The following TLL2 variants were observed in gnomAD, a reference collection of about 807,000 sequenced individuals.
TLL2 encodes the protein tolloid-like protein 2.
TLL2 carries 106 observed loss-of-function variants against 123.0 expected under a neutral mutation model. The ratio of observed to expected loss-of-function variants is 0.86; its 90% CI spans 0.74 to 1.01. TLL2 has a LOEUF of 1.01. Ranked by LOEUF, TLL2 falls within the 50% of genes least tolerant of loss-of-function variation. The pLI, the probability that TLL2 is intolerant of heterozygous loss-of-function variation, is 0.00. For synonymous variants in TLL2, 494 were observed against 516.8 expected (o/e 0.96, Z 0.60); for missense variants, 1,332 against 1,336.7 (o/e 1.00, Z 0.06).
At chr10:96,379,231 T>A in intron 16 of TLL2, 139 bp from the exon 17 acceptor site, 1 of 1,111,968 alleles carries the variant, frequency 9.0e-7, no homozygotes, top group Non-Finnish European at 1.3e-6. Flanking sequence ...GTTCCCTCAC[T>A]GGAGGAGTGA....
At chr10:96,482,438 C>T (rs1303253854) in intron 1 of TLL2, among the ~76,000 whole-genome samples, 1 of 152,220 alleles carries the variant, frequency 6.6e-6, no homozygotes, top group Non-Finnish European at 1.5e-5. Context: ...TGTCCATCAG[C>T]TGTTGAATGG....
chr10:96,438,253 C>G (rs756983826), intron 3 of TLL2, among the ~76,000 whole-genome samples: 1 of 152,224 alleles, frequency 6.6e-6, no homozygotes, highest in Non-Finnish European at 1.5e-5. Flanking sequence ...TGCAGCATAT[C>G]TCTCCACTGA....
intron 1 of TLL2, among the ~76,000 whole-genome samples, chr10:96,512,725 C>G (rs1005762625): frequency 6.6e-6 from 1 of 152,260 alleles, no homozygotes; most frequent in Admixed American, 6.5e-5. Flanking sequence ...CTGGAACATG[C>G]GCTTGGCCCT....
chr10:96,376,798 C>T lies in TLL2; in HGVS notation c.2342G>A (p.Ser781Asn), dbSNP rs754014846. ...CKEAGCAHKI[S>N]SVEGTLASPN... is the part of the protein sequence containing the mutation. ...GCTCGCCAGGGTCCCCTCCACACTG[C>T]TGATCTTGTGTGCACAGCCAGCTGG... Residue 781 changes from serine to asparagine, a missense_variant, in exon 18 of 21, where the codon AGC becomes AAC. By Grantham distance (46) the Ser-to-Asn change is conservative. Coordinates refer to ENST00000357947, the MANE Select transcript of TLL2 (RefSeq NM_012465.4). The T allele has an allele frequency of 6.4e-7, 1 of 1,567,046 alleles. No homozygotes were observed.
At chr10:96,458,403 A>G (rs1847037817) in intron 2 of TLL2, among the ~76,000 whole-genome samples, 1 of 151,966 alleles carries the variant, frequency 6.6e-6, no homozygotes, top group South Asian at 2.1e-4. Flanking sequence ...CCTACCCAAC[A>G]TGGAGAAACG....
At position 96,373,723 on chromosome 10, in the gene TLL2, G is replaced by C; in HGVS notation, c.2535C>G (p.Pro845=). 1 of 1,614,222 alleles carries C rather than the reference G, an allele frequency of 6.2e-7. No homozygotes were observed. Among genetic ancestry groups the C allele is most frequent in the South Asian group, 1.1e-5 (1 of 91,080 alleles). ...TGCTGCCGCAGAAACGGCCCAGAATGGGGGCCAGGCTGTCCGGCCCGTCAT... is the reference window on the plus strand; with the variant it reads ...TGCTGCCGCAGAAACGGCCCAGAATCGGGGCCAGGCTGTCCGGCCCGTCAT... ...EMYDGPDSLA[P]ILGRFCGSKK... is the part of the protein sequence containing the mutation. The change falls in exon 19 of 21, where the codon CCC becomes CCG. Residue 845 remains proline, a synonymous_variant. Transcript: ENST00000357947.
chr10:96,422,866 G>T, intron 5 of TLL2, 139 bp from the exon 6 acceptor site: 1 of 1,035,068 alleles, frequency 9.7e-7, no homozygotes, highest in Non-Finnish European at 1.4e-6. Context: ...AGTGGCTTAC[G>T]CCTGTAATCC....
intron 1 of TLL2, among the ~76,000 whole-genome samples, chr10:96,506,276 A>C (rs1383084063): frequency 4.0e-5 from 6 of 149,116 alleles, no homozygotes; most frequent in Admixed American, 2.0e-4. Flanking sequence ...GAAAAAAAAA[A>C]AAGAAAAAAG....
chr10:96,420,956 C>G lies in TLL2; in HGVS notation c.923G>C (p.Arg308Thr). 1 of 1,614,010 alleles carries G rather than the reference C, an allele frequency of 6.2e-7. No individual in the cohort carries two copies. Among genetic ancestry groups the G allele is most frequent in the African/African-American group, 1.3e-5 (1 of 75,034 alleles). Residue 308 changes from arginine (R) to threonine (T), a missense_variant and splice_region_variant, in exon 7 of 21, where the codon AGA (arginine) becomes ACA (threonine). Physicochemically the swap from Arg to Thr is moderately conservative, Grantham distance 71. Transcript: ENST00000357947. ...ACGAGGCATAAGCATAGATTCCGAC[C>G]TTGAGAAGGTGTTCCGGGCGTAGTG... The part of the protein sequence containing the change: ...IMHYARNTFS[R>T]GVFLDTILPR...
intron 1 of TLL2, among the ~76,000 whole-genome samples, chr10:96,510,966 G>A (rs1380235697): frequency 6.6e-6 from 1 of 152,182 alleles, no homozygotes; most frequent in African/African-American, 2.4e-5. Flanking sequence ...AAGGAACTGA[G>A]GCCCAGAGAG....
chr10:96,485,978 A>AG (rs35163945), intron 1 of TLL2, among the ~76,000 whole-genome samples: 132,042 of 152,064 alleles, frequency 0.87, 57,347 homozygotes, highest in Middle Eastern at 0.96. Context: ...AGAGAGAAGC[A>AG]GGGGGTGGGA....
chr10:96,365,308 A>G lies in TLL2; in HGVS notation c.*2780T>C, dbSNP rs1273480056. Reference sequence around the variant, plus strand: ...TACCTTAGAGGAAAATAGAGGGAATAGTGGATCAATGAACAGCCTCTCTTT... The same window carrying G: ...TACCTTAGAGGAAAATAGAGGGAATGGTGGATCAATGAACAGCCTCTCTTT... On this transcript the variant is annotated 3_prime_UTR_variant, in exon 21 of 21. Transcript: ENST00000357947. 6.6e-6 allele frequency: 1 copy of G among 152,238 alleles called. No individual in the cohort carries two copies. Among genetic ancestry groups the G allele is most frequent in the Non-Finnish European group, 1.5e-5 (1 of 68,046 alleles). 9.4% of individuals were successfully genotyped at this position (152,238 alleles called of 1,614,324 possible). A position where few individuals can be genotyped will look rare whatever the true frequency, so the allele number is the denominator to read the frequency against.
chr10:96,452,885 G>C (rs1264715965), intron 2 of TLL2, among the ~76,000 whole-genome samples: 2 of 152,198 alleles, frequency 1.3e-5, no homozygotes, highest in Non-Finnish European at 2.9e-5. Flanking sequence ...GTTGATTCAG[G>C]AATGAACAAG....
At chr10:96,434,680 T>G (rs1030226047) in intron 3 of TLL2, among the ~76,000 whole-genome samples, 3 of 152,256 alleles carry the variant, frequency 2.0e-5, no homozygotes, top group Non-Finnish European at 4.4e-5. Context: ...ACATAGTTTT[T>G]TCATTTCTCT....
At chr10:96,444,259 T>A (rs560082785) in intron 3 of TLL2, among the ~76,000 whole-genome samples, 1 of 152,338 alleles carries the variant, frequency 6.6e-6, no homozygotes, top group East Asian at 1.9e-4. Context: ...ACACTAAATA[T>A]GTACGGATAT....
intron 13 of TLL2, among the ~76,000 whole-genome samples, chr10:96,388,750 G>A (rs568609863): frequency 5.3e-5 from 8 of 152,066 alleles, no homozygotes; most frequent in East Asian, 1.9e-4. Flanking sequence ...CCTTCCAGTC[G>A]TCCTTGTCTG....
At chr10:96,430,705 G>T (rs879266712) in intron 4 of TLL2, among the ~76,000 whole-genome samples, 5 of 152,124 alleles carry the variant, frequency 3.3e-5, no homozygotes, top group Non-Finnish European at 7.4e-5. Context: ...GTGAAACCCT[G>T]TCTCTACAAA....
At chr10:96,457,218 A>G (rs532068544) in intron 2 of TLL2, among the ~76,000 whole-genome samples, 3 of 152,286 alleles carry the variant, frequency 2.0e-5, no homozygotes, top group South Asian at 2.1e-4. Context: ...ACCACACTGC[A>G]GCCTAGGCTG....
At position 96,413,273 on chromosome 10, in the gene TLL2, C is replaced by A; in HGVS notation, c.967G>T (p.Gly323Cys). 1.9e-6 allele frequency: 3 copies of A among 1,614,096 alleles called. No homozygotes were observed. Among genetic ancestry groups the A allele is most frequent in the Non-Finnish European group, 2.5e-6 (3 of 1,179,952 alleles). ...CGCTGGCCAATGGTTGGCCTGACGC[C>A]ATTGTCATCTTGACGGGGAAGGATG... ...DTILPRQDDN[G>C]VRPTIGQRVR... The change falls in exon 8 of 21, where the codon GGC (glycine) becomes TGC (cysteine). Residue 323 changes from glycine (G) to cysteine (C), a missense_variant. By Grantham distance (159) the Gly-to-Cys change is radical. Coordinates refer to ENST00000357947, the MANE Select transcript of TLL2 (RefSeq NM_012465.4).
Sources: gnomAD v4.1 joint callset for allele counts (sites outside exome capture counted in the v4.1 genomes callset) on GRCh38, gnomAD v4.1.1 for gene constraint, MANE v1.5 for transcripts, NCBI Gene and HGNC (gene_info 2026-07-23, HGNC 2026-07-21) for gene names.